PCM1: variants seen among roughly 807,000 people sequenced by gnomAD.
PCM1 encodes pericentriolar material 1 protein.
A neutral mutation model predicts 241.9 loss-of-function variants in PCM1; 157 were observed. The ratio of observed to expected loss-of-function variants is 0.65; its 90% CI spans 0.57 to 0.74. The LOEUF (loss-of-function observed/expected upper bound fraction) is 0.74. PCM1 is among the 30% of genes least tolerant of loss of function. PCM1 has a pLI of 0.00. For missense variants in PCM1, 3,478 were observed against 2,360.1 expected, an observed-to-expected ratio of 1.47 and a Z score of -9.81; for synonymous variants, 1,085 against 784.9, an observed-to-expected ratio of 1.38 and a Z score of -6.39.
rs539295883 is a variant in PCM1, at chr8:17,990,481, T to C, written c.4531+502T>C. ...GTTTTGGTTGTTTTTTTTTGTTTGT[T>C]TGGGTTTTTTTTTTTTTCCCCCTCT... On this transcript the variant is annotated intron_variant, in intron 27 of 38. Transcript: ENST00000325083. Among the ~76,000 whole-genome samples, 9 of 151,514 alleles carry C rather than the reference T, an allele frequency of 5.9e-5. No homozygotes were observed. In the South Asian group the frequency reaches 1.9e-3, roughly 31 times the overall value.
chr8:17,958,868 T>A (rs1227649252), intron 13 of PCM1, among the ~76,000 whole-genome samples: 1 of 152,088 alleles, frequency 6.6e-6, no homozygotes, highest in African/African-American at 2.4e-5. Context: ...ATTACAGATG[T>A]GTACCACCAC....
At chr8:18,027,333 T>A (rs918874586) in intron 38 of PCM1, among the ~76,000 whole-genome samples, 1 of 152,234 alleles carries the variant, frequency 6.6e-6, no homozygotes, top group Non-Finnish European at 1.5e-5. Flanking sequence ...TATCCCCTCT[T>A]CTGTTTTCTC....
chr8:17,970,574 G>C (rs565896657), intron 22 of PCM1, among the ~76,000 whole-genome samples: 2 of 151,680 alleles, frequency 1.3e-5, no homozygotes, highest in East Asian at 3.9e-4. Context: ...TAAATCTCAT[G>C]TTGCTCTATA....
intron 29 of PCM1, among the ~76,000 whole-genome samples, chr8:18,004,945 G>T (rs1169171029): frequency 6.6e-6 from 1 of 152,032 alleles, no homozygotes; most frequent in Non-Finnish European, 1.5e-5. Flanking sequence ...TCCCCCTCTA[G>T]CTACTCTCCA....
rs1002923523 is a variant in PCM1 at position 18,029,496 on chromosome 8, CTCTG to C, written c.*1839_*1842del. On this transcript the variant is annotated 3_prime_UTR_variant, in exon 39 of 39. Coordinates refer to ENST00000325083, the MANE Select transcript of PCM1 (RefSeq NM_006197.4). Reference sequence around the variant, plus strand: ...CCAGCCTTACATACTGTGTTTCTCTCTCTGTCTGCATGCATATTAAAGTGGAAAA... The same window carrying C: ...CCAGCCTTACATACTGTGTTTCTCTCTCTGCATGCATATTAAAGTGGAAAA... 7 of 215,478 alleles carry C rather than the reference CTCTG, an allele frequency of 3.2e-5. No homozygotes were observed. The highest frequency in any genetic ancestry group is 6.8e-5 in the African/African-American group (3 of 44,374). 13.3% of individuals were successfully genotyped at this position (215,478 alleles called of 1,614,324 possible). A position where few individuals can be genotyped will look rare whatever the true frequency, so the allele number is the denominator to read the frequency against.
chr8:17,969,905 G>A (rs1159575107), intron 22 of PCM1, among the ~76,000 whole-genome samples, 157 bp downstream of exon 22: 1 of 152,144 alleles, frequency 6.6e-6, no homozygotes, highest in Non-Finnish European at 1.5e-5. Flanking sequence ...TAGATGAGAT[G>A]CCAGATACTT....
At chr8:18,014,110 A>T in intron 35 of PCM1, 74 bp downstream of exon 35, 1 of 776,914 alleles carries the variant, frequency 1.3e-6, no homozygotes, top group Non-Finnish European at 2.0e-6. Context: ...AAAAAAAAAA[A>T]ACACACACAG....
intron 6 of PCM1, among the ~76,000 whole-genome samples, chr8:17,944,046 G>A (rs2063034855): frequency 6.6e-6 from 1 of 152,150 alleles, no homozygotes; most frequent in African/African-American, 2.4e-5. Context: ...TCTACGAGTA[G>A]CCATGCGTTC....
At chr8:17,996,066 A>G (rs1287869455) in intron 29 of PCM1, among the ~76,000 whole-genome samples, 1 of 152,196 alleles carries the variant, frequency 6.6e-6, no homozygotes, top group African/African-American at 2.4e-5. Flanking sequence ...GACTTCCAGT[A>G]CTATGTTGAA....
rs895566661 is a variant in PCM1, at chr8:17,962,610, C to A, written c.2463+436C>A. ...AAGTATATTTGAGTTCTACTTGTTT[C>A]TATTAATAGGCCATGTGCGGTGACT... On this transcript the variant is annotated intron_variant, in intron 16 of 38. Coordinates refer to ENST00000325083, the MANE Select transcript of PCM1 (RefSeq NM_006197.4). Among the ~76,000 whole-genome samples, 5 of 151,872 alleles carry A rather than the reference C, an allele frequency of 3.3e-5. No homozygotes were observed. In the East Asian group the frequency reaches 9.7e-4, roughly 29 times the overall value.
intron 11 of PCM1, 78 bp downstream of exon 11, chr8:17,956,855 C>A (rs372141629): frequency 2.7e-6 from 3 of 1,129,262 alleles, no homozygotes; most frequent in Middle Eastern, 2.0e-4. Flanking sequence ...AAAAATACTT[C>A]GTTGTAGTAT....
chr8:17,986,177 C>G, intron 26 of PCM1, 90 bp downstream of exon 26: 1 of 878,464 alleles, frequency 1.1e-6, no homozygotes, highest in Non-Finnish European at 1.6e-6. Flanking sequence ...TGTAGGTAGA[C>G]CTAATATATT....
chr8:17,935,682 T>G lies in PCM1; in HGVS notation c.72T>G (p.Asn24Lys). 6.7e-7 allele frequency: 1 copy of G among 1,494,246 alleles called. No individual in the cohort carries two copies. Among genetic ancestry groups the G allele is most frequent in the Non-Finnish European group, 9.3e-7 (1 of 1,070,876 alleles). 92.6% of individuals were successfully genotyped at this position (1,494,246 alleles called of 1,614,324 possible). Residue 24 changes from asparagine to lysine, a missense_variant, in exon 3 of 39, where the codon AAT (asparagine) becomes AAG (lysine). By Grantham distance (94) the Asn-to-Lys change is moderately conservative (BLOSUM62 0). Coordinates refer to ENST00000325083, the MANE Select transcript of PCM1 (RefSeq NM_006197.4). ...ATTTACCAAACTGGAGTAATGAGAA[T>G]GTTGATGACAGGCTCAACAATATGG... Reference protein sequence around the residue: ...DQDLPNWSNENVDDRLNNMDW... With the variant: ...DQDLPNWSNEKVDDRLNNMDW...
intron 17 of PCM1, among the ~76,000 whole-genome samples, chr8:17,964,077 G>C (rs1178405898): frequency 6.6e-6 from 1 of 152,102 alleles, no homozygotes; most frequent in Non-Finnish European, 1.5e-5. Flanking sequence ...GATTTTTGCT[G>C]TCCAGTATGG....
intron 34 of PCM1, among the ~76,000 whole-genome samples, chr8:18,012,234 A>G (rs549783221): frequency 1.3e-4 from 20 of 152,194 alleles, no homozygotes; most frequent in African/African-American, 3.1e-4. Context: ...TCTCCTTCCT[A>G]TTTGGGTTGT....
chr8:17,983,369 T>A, intron 24 of PCM1: 1 of 795,632 alleles, frequency 1.3e-6, no homozygotes. Flanking sequence ...GTCCTGATTT[T>A]TTTCTTTTTT....
At chr8:18,008,536 T>C (rs1475311788) in intron 30 of PCM1, among the ~76,000 whole-genome samples, 1 of 152,180 alleles carries the variant, frequency 6.6e-6, no homozygotes, top group Non-Finnish European at 1.5e-5. Flanking sequence ...TTGTCTTCTG[T>C]GAAACCAGGT....
Position 17,947,374 on chromosome 8 carries a change from G to C in PCM1, c.961+11G>C. The C allele has an allele frequency of 6.4e-7, 1 of 1,551,950 alleles. No individual in the cohort carries two copies. Among genetic ancestry groups the C allele is most frequent in the Non-Finnish European group, 8.7e-7 (1 of 1,145,702 alleles). The stretch of plus-strand genomic sequence containing the variant: ...TGATGGATGATTCTGGTATGTCACA[G>C]TCTGAGAATATTCTTTTTGTAAGGA... On this transcript the variant is annotated intron_variant, in intron 7 of 38. Coordinates refer to ENST00000325083, the MANE Select transcript of PCM1 (RefSeq NM_006197.4).
At chr8:17,931,340 G>A (rs1017847567) in intron 2 of PCM1, among the ~76,000 whole-genome samples, 2 of 151,706 alleles carry the variant, frequency 1.3e-5, no homozygotes, top group Non-Finnish European at 2.9e-5. Context: ...CCAGGCTGGA[G>A]TGCAGTGGCG....
Sources: gnomAD v4.1 joint callset for allele counts (sites outside exome capture counted in the v4.1 genomes callset) on GRCh38, gnomAD v4.1.1 for gene constraint, MANE v1.5 for transcripts, NCBI Gene and HGNC (gene_info 2026-07-23, HGNC 2026-07-21) for gene names.